The following MAST4 variants were observed in gnomAD, a reference collection of about 807,000 sequenced individuals.
The protein encoded by MAST4 is microtubule-associated serine/threonine-protein kinase 4.
A neutral mutation model predicts 162.7 loss-of-function variants in MAST4; 89 were observed. The observed-to-expected ratio is 0.55, with a 90% CI of 0.46 to 0.65. The LOEUF (loss-of-function observed/expected upper bound fraction) is 0.65, where lower values mean the gene tolerates loss of function less well. Among genes scored for constraint, MAST4 ranks in the 30% least tolerant of loss-of-function variants. The pLI, the probability that MAST4 is intolerant of heterozygous loss-of-function variation, is 0.00. For synonymous variants in MAST4, 1,479 were observed against 1,361.1 expected (o/e 1.09, Z -1.91); for missense variants, 3,153 against 3,374.0 (o/e 0.93, Z 1.62).
At chr5:66,653,236 A>G (rs1433878522) in intron 1 of MAST4, among the ~76,000 whole-genome samples, 3 of 152,222 alleles carry the variant, frequency 2.0e-5, no homozygotes, top group Non-Finnish European at 4.4e-5. Flanking sequence ...TACTCCCACT[A>G]AAATCACATC....
chr5:67,160,606 G>C lies in MAST4; in HGVS notation c.3785+14G>C, dbSNP rs779861146. On this transcript the variant is annotated intron_variant, in intron 27 of 28. Transcript: ENST00000403625. ...AAGTCTCGAAAGGTTAGTAAAATCA[G>C]TATTCTTTTTAAGTTTGGTGTATAC... The C allele has an allele frequency of 3.0e-5, 49 of 1,611,496 alleles. No homozygotes were observed. The highest frequency in any genetic ancestry group is 4.0e-5 in the Non-Finnish European group (47 of 1,179,092).
intron 26 of MAST4, among the ~76,000 whole-genome samples, chr5:67,157,724 TC>T (rs1772703309): frequency 6.6e-6 from 1 of 152,294 alleles, no homozygotes; most frequent in African/African-American, 2.4e-5. Context: ...CATGGGCTTT[TC>T]CACTGGACTC....
At chr5:67,095,872 T>A (rs932584934) in intron 7 of MAST4, among the ~76,000 whole-genome samples, 197 bp downstream of exon 7, 1 of 152,176 alleles carries the variant, frequency 6.6e-6, no homozygotes, top group Non-Finnish European at 1.5e-5. Flanking sequence ...GCTTTTAAAC[T>A]GTAGTGCATA....
At chr5:66,785,387 T>G (rs1294198187) in intron 2 of MAST4, among the ~76,000 whole-genome samples, 2 of 152,190 alleles carry the variant, frequency 1.3e-5, no homozygotes, top group Admixed American at 1.3e-4. Flanking sequence ...TATAGAATCA[T>G]TCTGTCTTAA....
Position 67,144,742 on chromosome 5 carries a change from G to A in MAST4, c.2804G>A (p.Ser935Asn), listed in dbSNP as rs1162577189. 6.2e-7 allele frequency: 1 copy of A among 1,613,764 alleles called. No homozygotes were observed. Among genetic ancestry groups the A allele is most frequent in the Non-Finnish European group, 8.5e-7 (1 of 1,179,772 alleles). The change falls in exon 22 of 29, where the codon AGC (serine) becomes AAC (asparagine). Residue 935 changes from serine to asparagine, a missense_variant. This residue lies in a region of MAST4 where 619 missense variants were observed against 744.2 expected (regional missense o/e 0.83). Transcript: ENST00000403625. Reference protein sequence around the residue: ...EKEDSVDKTKSTTLPSTETLS... With the variant: ...EKEDSVDKTKNTTLPSTETLS... ...GAAGACTCTGTGGACAAAACCAAAA[G>A]CACCACCTTGCCATCCACAGAAACA...
intron 4 of MAST4, among the ~76,000 whole-genome samples, chr5:66,982,739 T>C (rs1266938326): frequency 6.6e-6 from 1 of 152,332 alleles, no homozygotes; most frequent in Admixed American, 6.5e-5. Context: ...TTAATGTGCT[T>C]TCCCTCCTGT....
At position 67,167,264 on chromosome 5, in the gene MAST4, CAAAAAAAAAA is replaced by C. The variant is rs34486167; in HGVS notation, c.*233_*242del. The stretch of plus-strand genomic sequence containing the variant: ...AAACTGTTACCAGATAGTGTTTGTA[CAAAAAAAAAA>C]AAAAAAAAAAAAAAAAAAATTACCT... On this transcript the variant is annotated 3_prime_UTR_variant, in exon 29 of 29. Transcript: ENST00000403625. 8.1e-4 allele frequency: 64 copies of C among 79,444 alleles called. 1 individual carries two copies. The highest frequency in any genetic ancestry group is 3.2e-3 in the East Asian group (8 of 2,536). 4.9% of individuals were successfully genotyped at this position (79,444 alleles called of 1,614,324 possible). A position where few individuals can be genotyped will look rare whatever the true frequency, so the allele number is the denominator to read the frequency against.
At chr5:66,704,876 G>A (rs143555710) in intron 1 of MAST4, among the ~76,000 whole-genome samples, 1 of 152,178 alleles carries the variant, frequency 6.6e-6, no homozygotes, top group African/African-American at 2.4e-5. Flanking sequence ...TCATATGTAA[G>A]AATCTTGAGC....
rs75635671 is a variant in MAST4, at chr5:66,749,644, T to G, written c.364-10065T>G. The stretch of plus-strand genomic sequence containing the variant: ...GTCATAGCTGTCATTCATGGTGCAC[T>G]TCCTTTGTGCCAAGCACTGTCTTAG... On this transcript the variant is annotated intron_variant, in intron 1 of 28. Transcript: ENST00000403625. Among the ~76,000 whole-genome samples, 7 of 152,348 alleles carry G rather than the reference T, an allele frequency of 4.6e-5. No individual in the cohort carries two copies. The East Asian group carries it at 1.3e-3, about 29-fold the overall frequency.
intron 4 of MAST4, among the ~76,000 whole-genome samples, chr5:66,902,191 T>C (rs1260088270): frequency 1.3e-5 from 2 of 152,220 alleles, no homozygotes; most frequent in Non-Finnish European, 2.9e-5. Context: ...AGTAAGCAAC[T>C]GCACATAGCG....
chr5:67,064,617 T>A (rs1269684626), intron 5 of MAST4, among the ~76,000 whole-genome samples: 1 of 152,228 alleles, frequency 6.6e-6, no homozygotes, highest in Non-Finnish European at 1.5e-5. Context: ...TATAATCCAT[T>A]TCAACCATTG....
chr5:66,996,347 A>G (rs1409861659), intron 4 of MAST4, among the ~76,000 whole-genome samples: 2 of 152,138 alleles, frequency 1.3e-5, no homozygotes, highest in Admixed American at 6.5e-5. Flanking sequence ...CATATATATA[A>G]TATCTTAATG....
At chr5:66,660,376 ACT>A (rs1266255062) in intron 1 of MAST4, among the ~76,000 whole-genome samples, 3 of 151,422 alleles carry the variant, frequency 2.0e-5, no homozygotes, top group African/African-American at 7.3e-5. Flanking sequence ...CAAGAGTGAA[ACT>A]CTGTCTCAAA....
intron 14 of MAST4, among the ~76,000 whole-genome samples, chr5:67,128,009 AGAACTT>A (rs1321622839): frequency 6.6e-6 from 1 of 152,214 alleles, no homozygotes; most frequent in Non-Finnish European, 1.5e-5. Flanking sequence ...TGGTGAAACA[AGAACTT>A]GAAGCAATAT....
Position 67,167,691 on chromosome 5 carries a change from A to G in MAST4, c.*640A>G, listed in dbSNP as rs745764642. 10 of 152,226 alleles carry G rather than the reference A, an allele frequency of 6.6e-5. No individual in the cohort carries two copies. Among genetic ancestry groups the G allele is most frequent in the East Asian group, 1.9e-4 (1 of 5,198 alleles). 9.4% of individuals were successfully genotyped at this position (152,226 alleles called of 1,614,324 possible). On this transcript the variant is annotated 3_prime_UTR_variant, in exon 29 of 29. Transcript: ENST00000403625. The stretch of plus-strand genomic sequence containing the variant: ...CTGATAGTACTGTATCTGGCTACCT[A>G]TATTTCCAGATCTAAAGCAAGAACT...
intron 1 of MAST4, among the ~76,000 whole-genome samples, chr5:66,624,231 C>CAA (rs1744275265): frequency 7.0e-6 from 1 of 142,746 alleles, no homozygotes; most frequent in African/African-American, 2.6e-5. Flanking sequence ...CGGCTCACTG[C>CAA]AAGCTCTGCC....
intron 6 of MAST4, among the ~76,000 whole-genome samples, 175 bp downstream of exon 6, chr5:67,090,406 C>T (rs1454257971): frequency 2.3e-5 from 2 of 87,698 alleles, no homozygotes; most frequent in African/African-American, 9.0e-5. Flanking sequence ...TCTCCCCCTC[C>T]CCACTTTTCC....
At chr5:66,835,048 C>T (rs558586600) in intron 3 of MAST4, among the ~76,000 whole-genome samples, 7 of 152,286 alleles carry the variant, frequency 4.6e-5, no homozygotes, top group Admixed American at 3.3e-4. Context: ...GCACCTACAC[C>T]ACCCATCTCT....
intron 4 of MAST4, among the ~76,000 whole-genome samples, chr5:67,041,623 G>A (rs1016695866): frequency 7.9e-5 from 12 of 152,064 alleles, no homozygotes; most frequent in African/African-American, 2.9e-4. Context: ...GCCCTCTGTG[G>A]TCATTGATAT....
Sources: allele counts gnomAD v4.1 joint callset (sites outside exome capture counted in the v4.1 genomes callset), GRCh38; gene constraint gnomAD v4.1.1; regional missense constraint gnomAD v4.1.1; transcripts MANE v1.5; gene names NCBI Gene and HGNC (gene_info 2026-07-23, HGNC 2026-07-21).